Variants in DMD observed in about 807,000 individuals in gnomAD.
DMD encodes dystrophin.
A neutral mutation model predicts 330.1 loss-of-function variants in DMD; 63 were observed. That is an observed-to-expected ratio of 0.19 (90% CI 0.16 to 0.24). The LOEUF is 0.24. DMD is among the 10% of genes least tolerant of loss of function. The probability of loss-of-function intolerance (pLI) is 1.00; values close to 1 mark genes in which losing one functional copy is unlikely to be tolerated. For missense variants in DMD, 3,344 were observed against 2,684.1 expected (o/e 1.25, Z -5.43); for synonymous variants, 1,223 against 959.8 (o/e 1.27, Z -5.07).
chrX:32,712,947 T>G (rs2065329335), intron 7 of DMD, among the ~76,000 whole-genome samples: 1 of 111,548 alleles, frequency 9.0e-6, no homozygotes, highest in Non-Finnish European at 1.9e-5. Flanking sequence ...TTGTTGTGCC[T>G]TGGGTTTCCA....
rs190400242 is a variant in DMD at position 32,765,093 on chromosome X, C to T, written c.649+44400G>A. Among the ~76,000 whole-genome samples, 3 of 110,077 alleles carry T rather than the reference C, an allele frequency of 2.7e-5. No homozygotes were observed. In the East Asian group the frequency reaches 8.7e-4, roughly 32 times the overall value. On this transcript the variant is annotated intron_variant, in intron 7 of 78. Coordinates refer to ENST00000357033, the MANE Select transcript of DMD (RefSeq NM_004006.3). ...TCTACTCATGGTCTTACTGGCCAAACTTTAGAGAAATTTCTGATCAACTCA... is the reference window on the plus strand; with the variant it reads ...TCTACTCATGGTCTTACTGGCCAAATTTTAGAGAAATTTCTGATCAACTCA...
At chrX:33,300,183 C>T (rs966065587) in intron 1 of DMD, among the ~76,000 whole-genome samples, 1 of 112,171 alleles carries the variant, frequency 8.9e-6, no homozygotes, top group Non-Finnish European at 1.9e-5. Context: ...ATAAACTAGA[C>T]CTGAAACTAT....
At position 32,438,293 on chromosome X, in the gene DMD, A is replaced by G. The variant is rs1280237734; in HGVS notation, c.4019T>C (p.Ile1340Thr). The G allele has an allele frequency of 8.3e-7, 1 of 1,209,736 alleles. No individual in the cohort carries two copies. Among genetic ancestry groups the G allele is most frequent in the African/African-American group, 1.7e-5 (1 of 57,208 alleles). Reference protein sequence around the residue: ...LTDGGVMDELINEELETFNSR... With the variant: ...LTDGGVMDELTNEELETFNSR... ...ATTAAATGTCTCAAGTTCCTCATTG[A>G]TTAGCTCATCCATGACTCCGCCATC... The change falls in exon 29 of 79, where the codon ATC becomes ACC. Residue 1340 changes from isoleucine to threonine, a missense_variant. Ile to Thr is a moderately conservative substitution (Grantham distance 89, BLOSUM62 -1). Coordinates refer to ENST00000357033, the MANE Select transcript of DMD (RefSeq NM_004006.3).
At chrX:32,298,226 G>T (rs965161219) in intron 42 of DMD, among the ~76,000 whole-genome samples, 32 of 111,046 alleles carry the variant, frequency 2.9e-4, no homozygotes, top group African/African-American at 1.1e-3. Context: ...ATAGACAACT[G>T]CAATCATCCA....
chrX:32,222,115 T>G (rs1466701235), intron 43 of DMD, among the ~76,000 whole-genome samples: 1 of 112,063 alleles, frequency 8.9e-6, no homozygotes, highest in Non-Finnish European at 1.9e-5. Flanking sequence ...GGTAGTGAGA[T>G]TTCCAGATCA....
chrX:31,209,902 T>A (rs771813313), intron 64 of DMD, among the ~76,000 whole-genome samples: 1 of 111,717 alleles, frequency 9.0e-6, no homozygotes, highest in Non-Finnish European at 1.9e-5. Context: ...GGATCTGAAG[T>A]TGTTCTTAAA....
chrX:31,697,283 A>T (rs1396806202), intron 52 of DMD, among the ~76,000 whole-genome samples: 6 of 112,115 alleles, frequency 5.4e-5, no homozygotes, highest in Non-Finnish European at 1.1e-4. Flanking sequence ...GACATACAAA[A>T]GTGAAATAAT....
Position 31,922,537 on chromosome X carries a change from C to T in DMD, c.6912+7059G>A, listed in dbSNP as rs190153942. Among the ~76,000 whole-genome samples the T allele has an allele frequency of 9.1e-4, 94 of 103,334 alleles. No homozygotes were observed. The East Asian group carries it at 0.02, about 21-fold the overall frequency. The allele number at this position is 103,334 out of a possible 115,157, so 89.7% of individuals were successfully genotyped here. A position where few individuals can be genotyped will look rare whatever the true frequency, so the allele number is the denominator to read the frequency against. On this transcript the variant is annotated intron_variant, in intron 47 of 78. Coordinates refer to ENST00000357033, the MANE Select transcript of DMD (RefSeq NM_004006.3). ...GTGTGTGTGTGTGTGCGCGCGCGTG[C>T]GCTAGGGGGGTGCAGAGGAGGCAGA...
At chrX:32,640,278 C>T (rs1204684064) in intron 11 of DMD, among the ~76,000 whole-genome samples, 1 of 107,168 alleles carries the variant, frequency 9.3e-6, no homozygotes, top group Non-Finnish European at 1.9e-5. Context: ...CCTATCTCAT[C>T]TAGTATCTTT....
At chrX:33,315,386 A>G (rs757541587) in intron 1 of DMD, among the ~76,000 whole-genome samples, 71 of 112,226 alleles carry the variant, frequency 6.3e-4, no homozygotes, top group Non-Finnish European at 6.0e-4. Context: ...ACACTGTATC[A>G]GTTTGAACTC....
At chrX:32,574,616 C>T (rs2052813430) in intron 13 of DMD, among the ~76,000 whole-genome samples, 1 of 111,611 alleles carries the variant, frequency 9.0e-6, no homozygotes, top group African/African-American at 3.3e-5. Flanking sequence ...CCTGAATTTT[C>T]AACTTTTTGT....
chrX:33,011,869 G>A (rs776072137), intron 2 of DMD, among the ~76,000 whole-genome samples: 6 of 111,435 alleles, frequency 5.4e-5, no homozygotes, highest in Non-Finnish European at 1.1e-4. Flanking sequence ...ATAAAGAATT[G>A]GTTTTTTTGC....
At chrX:31,996,882 A>G (rs1010602280) in intron 44 of DMD, among the ~76,000 whole-genome samples, 1 of 111,702 alleles carries the variant, frequency 9.0e-6, no homozygotes, top group East Asian at 2.8e-4. Context: ...GAAACCACCA[A>G]CCTAACTACA....
intron 30 of DMD, among the ~76,000 whole-genome samples, chrX:32,391,927 C>G (rs1311238462): frequency 8.9e-6 from 1 of 111,752 alleles, no homozygotes; most frequent in Non-Finnish European, 1.9e-5. Context: ...AAAAGGTGGG[C>G]CAGTAACAAC....
chrX:32,528,567 T>G (rs1020377484), intron 17 of DMD, among the ~76,000 whole-genome samples: 1 of 111,639 alleles, frequency 9.0e-6, no homozygotes, highest in East Asian at 2.8e-4. Flanking sequence ...CTCTTAAAAT[T>G]TAACCTGAAA....
At chrX:33,314,155 CACAA>C (rs1460835397) in intron 1 of DMD, among the ~76,000 whole-genome samples, 13 of 111,204 alleles carry the variant, frequency 1.2e-4, no homozygotes, top group South Asian at 3.8e-4. Context: ...TATATATCTA[CACAA>C]ACATAGACAT....
intron 11 of DMD, 40 bp downstream of exon 11, chrX:32,644,092 A>T: frequency 9.0e-7 from 1 of 1,113,796 alleles, no homozygotes; most frequent in Non-Finnish European, 1.2e-6. Flanking sequence ...AGCTTCCAAA[A>T]CTTGTTAGTC....
chrX:31,840,813 G>A (rs1403375382), intron 48 of DMD, among the ~76,000 whole-genome samples: 1 of 110,498 alleles, frequency 9.0e-6, no homozygotes, highest in Non-Finnish European at 1.9e-5. Context: ...ATCCATTAAT[G>A]TATGTATTCT....
At position 32,075,656 on chromosome X, in the gene DMD, G is replaced by GA. The variant is rs1157236617; in HGVS notation, c.6439-107143dup. ...CTTGAGGCCTGGTAAAGTTTTCATGGAAAAAAATGAATGTTTTTGAGATTC... is the reference window on the plus strand; with the variant it reads ...CTTGAGGCCTGGTAAAGTTTTCATGGAAAAAAAATGAATGTTTTTGAGATTC... On this transcript the variant is annotated intron_variant, in intron 44 of 78. Coordinates refer to ENST00000357033, the MANE Select transcript of DMD (RefSeq NM_004006.3). 6.4e-5 allele frequency among the ~76,000 whole-genome samples: 7 copies of GA among 109,532 alleles called. No individual in the cohort carries two copies. The South Asian group carries it at 1.2e-3, about 18-fold the overall frequency.
Sources: gnomAD v4.1 joint callset for allele counts (sites outside exome capture counted in the v4.1 genomes callset) on GRCh38, gnomAD v4.1.1 for gene constraint, MANE v1.5 for transcripts, NCBI Gene and HGNC (gene_info 2026-07-23, HGNC 2026-07-21) for gene names.